The following B3GALT1 variants were observed in gnomAD, a reference collection of about 807,000 sequenced individuals.
B3GALT1 encodes the protein beta-1,3-galactosyltransferase 1.
In B3GALT1, 10 loss-of-function variants were observed where a neutral mutation model predicts 23.2. The observed-to-expected ratio is 0.43, with a 90% confidence interval of 0.27 to 0.73. The LOEUF (loss-of-function observed/expected upper bound fraction) is 0.73. Ranked by LOEUF, B3GALT1 falls within the 30% of genes least tolerant of loss-of-function variation. The pLI is 0.21. For synonymous variants in B3GALT1, 156 were observed against 141.5 expected (o/e 1.10, Z -0.73); for missense variants, 299 against 405.4 (o/e 0.74, Z 2.25).
intron 1 of B3GALT1, among the ~76,000 whole-genome samples, chr2:167,436,514 C>CAATG (rs1183651534): frequency 2.0e-5 from 3 of 152,134 alleles, no homozygotes; most frequent in African/African-American, 7.2e-5. Context: ...CTGTTAGTTA[C>CAATG]CACCTGAAAC....
chr2:167,531,385 CT>C (rs796524403), intron 2 of B3GALT1, among the ~76,000 whole-genome samples: 1 of 152,036 alleles, frequency 6.6e-6, no homozygotes, highest in Non-Finnish European at 1.5e-5. Flanking sequence ...GTAGTCTTTT[CT>C]TTTTTTCATA....
rs186953419 is a variant in B3GALT1, at chr2:167,334,468, C to T, written c.-511+41134C>T. On this transcript the variant is annotated intron_variant, in intron 1 of 4. Coordinates refer to ENST00000392690, the MANE Select transcript of B3GALT1 (RefSeq NM_020981.4). The stretch of plus-strand genomic sequence containing the variant: ...TTTTAAAGGAGGTCATGAACTGATT[C>T]ATTCAAGTTTGTAATTCCCTGTGAA... Among the ~76,000 whole-genome samples, 397 of 152,256 alleles carry T rather than the reference C, an allele frequency of 2.6e-3. 1 individual carries two copies. Among genetic ancestry groups the T allele is most frequent in the Non-Finnish European group, 4.3e-3 (291 of 67,998 alleles).
intron 2 of B3GALT1, among the ~76,000 whole-genome samples, chr2:167,572,758 T>C (rs1684318171): frequency 6.6e-6 from 1 of 151,612 alleles, no homozygotes; most frequent in African/African-American, 2.4e-5. Context: ...TTACAAAAAA[T>C]ATGTCCGTAT....
chr2:167,778,861 G>A lies in B3GALT1; in HGVS notation c.-351-39811G>A, dbSNP rs561490164. Among the ~76,000 whole-genome samples the A allele has an allele frequency of 3.3e-5, 5 of 152,326 alleles. No individual in the cohort carries two copies. The East Asian group carries it at 5.8e-4, about 18-fold the overall frequency. On this transcript the variant is annotated intron_variant, in intron 3 of 4. Coordinates refer to ENST00000392690, the MANE Select transcript of B3GALT1 (RefSeq NM_020981.4). The stretch of plus-strand genomic sequence containing the variant: ...CTAACTCATCCCATTCTGCTGGACT[G>A]AGGGGAGGGGACCACACAGAGCAAC...
At chr2:167,716,001 A>T (rs1166619730) in intron 3 of B3GALT1, 1 of 1,611,508 alleles carries the variant, frequency 6.2e-7, no homozygotes, top group African/African-American at 1.3e-5. Flanking sequence ...TGCTGCCACA[A>T]TTCTGCGTAG....
chr2:167,406,477 A>G (rs924431535), intron 1 of B3GALT1, among the ~76,000 whole-genome samples: 3 of 152,154 alleles, frequency 2.0e-5, no homozygotes, highest in African/African-American at 7.2e-5. Context: ...TCCCACATCC[A>G]CAATGCCCCT....
At chr2:167,849,988 G>A (rs139857106) in intron 4 of B3GALT1, among the ~76,000 whole-genome samples, 83 of 151,568 alleles carry the variant, frequency 5.5e-4, no homozygotes, top group African/African-American at 2.0e-3. Context: ...GCTTAGGCAA[G>A]GATTTCATAA....
intron 4 of B3GALT1, among the ~76,000 whole-genome samples, chr2:167,828,376 T>C (rs1203483425): frequency 1.3e-5 from 2 of 152,168 alleles, no homozygotes; most frequent in African/African-American, 4.8e-5. Context: ...CCGAATGAAT[T>C]AATAAACACC....
intron 2 of B3GALT1, among the ~76,000 whole-genome samples, chr2:167,620,152 T>C (rs1320306306): frequency 1.3e-5 from 2 of 151,984 alleles, no homozygotes; most frequent in Non-Finnish European, 1.5e-5. Flanking sequence ...TACATGTGTG[T>C]AGGAGAGAAA....
chr2:167,697,464 A>G (rs967277807), intron 3 of B3GALT1, among the ~76,000 whole-genome samples: 13 of 152,330 alleles, frequency 8.5e-5, no homozygotes, highest in East Asian at 1.9e-4. Flanking sequence ...CTGGTTTCCC[A>G]TTTGAGAAAT....
In B3GALT1 at chr2:167,346,827, G is replaced by A. The variant is rs576361298; in HGVS notation, c.-511+53493G>A. Among the ~76,000 whole-genome samples, 19 of 151,642 alleles carry A rather than the reference G, an allele frequency of 1.3e-4. No individual in the cohort carries two copies. The South Asian group carries it at 2.5e-3, about 20-fold the overall frequency. On this transcript the variant is annotated intron_variant, in intron 1 of 4. Coordinates refer to ENST00000392690, the MANE Select transcript of B3GALT1 (RefSeq NM_020981.4). The stretch of plus-strand genomic sequence containing the variant: ...TAGTGAGATCTAATTTTGGGTCCTC[G>A]TCTGAACGAATCATTCTGGTTATAT...
At chr2:167,631,930 T>C (rs1685455149) in intron 2 of B3GALT1, among the ~76,000 whole-genome samples, 1 of 151,946 alleles carries the variant, frequency 6.6e-6, no homozygotes, top group Non-Finnish European at 1.5e-5. Flanking sequence ...TTTCTCCTAA[T>C]GCTATCCCTC....
chr2:167,478,072 A>T (rs1699511126), intron 1 of B3GALT1, among the ~76,000 whole-genome samples: 1 of 152,232 alleles, frequency 6.6e-6, no homozygotes, highest in Non-Finnish European at 1.5e-5. Context: ...CAATGAAATA[A>T]ATTTGAGGTT....
chr2:167,565,796 A>G (rs1375769637), intron 2 of B3GALT1, among the ~76,000 whole-genome samples: 1 of 152,146 alleles, frequency 6.6e-6, no homozygotes, highest in Admixed American at 6.5e-5. Flanking sequence ...CAAAACCACA[A>G]TGAGATACCA....
intron 1 of B3GALT1, among the ~76,000 whole-genome samples, chr2:167,331,103 G>T (rs1696967204): frequency 1.3e-5 from 2 of 151,994 alleles, no homozygotes; most frequent in Admixed American, 6.6e-5. Flanking sequence ...TTTTGGGGGG[G>T]TATGTAAATA....
intron 3 of B3GALT1, chr2:167,715,241 T>G: frequency 6.2e-7 from 1 of 1,613,992 alleles, no homozygotes; most frequent in Non-Finnish European, 8.5e-7. Context: ...AGCCTGATCT[T>G]TCATCATTGG....
intron 2 of B3GALT1, among the ~76,000 whole-genome samples, chr2:167,518,820 ATC>A: frequency 6.6e-6 from 1 of 152,200 alleles, no homozygotes; most frequent in African/African-American, 2.4e-5. Context: ...CCAGGAATGT[ATC>A]TTTTTCCTGA....
chr2:167,796,207 G>T (rs1483934685), intron 3 of B3GALT1, among the ~76,000 whole-genome samples: 1 of 152,058 alleles, frequency 6.6e-6, no homozygotes, highest in Non-Finnish European at 1.5e-5. Flanking sequence ...TGTACTGGCT[G>T]CCAGGAAGCT....
intron 1 of B3GALT1, among the ~76,000 whole-genome samples, chr2:167,445,073 C>T (rs1046783009): frequency 2.0e-5 from 3 of 152,164 alleles, no homozygotes; most frequent in Non-Finnish European, 4.4e-5. Context: ...TGTCTTTGTT[C>T]TCATTGGTTT....
Sources: gnomAD v4.1 joint callset for allele counts (sites outside exome capture counted in the v4.1 genomes callset) on GRCh38, gnomAD v4.1.1 for gene constraint, MANE v1.5 for transcripts, NCBI Gene and HGNC (gene_info 2026-07-23, HGNC 2026-07-21) for gene names.